The following PARD3 variants were observed in gnomAD, a reference collection of about 807,000 sequenced individuals.
PARD3 encodes the protein par-3 family cell polarity regulator, also known as partitioning defective 3 homolog.
Under a neutral mutation model 155.4 loss-of-function variants are expected in PARD3, and 75 were observed. The observed-to-expected ratio is 0.48, with a 90% confidence interval of 0.40 to 0.58. The LOEUF (loss-of-function observed/expected upper bound fraction) is 0.58, where lower values mean the gene tolerates loss of function less well. Among genes scored for constraint, PARD3 ranks in the 20% least tolerant of loss-of-function variants. The pLI is 0.00. For synonymous variants in PARD3, 576 were observed against 610.5 expected (o/e 0.94, Z 0.83); for missense variants, 1,642 against 1,721.7 (o/e 0.95, Z 0.82).
chr10:34,281,331 T>C (rs926953634), intron 21 of PARD3, among the ~76,000 whole-genome samples: 6 of 152,084 alleles, frequency 3.9e-5, no homozygotes, highest in African/African-American at 1.4e-4. Flanking sequence ...TCTGAAAAAA[T>C]AGGGTACCTA....
Position 34,615,083 on chromosome 10 carries a change from A to G in PARD3, c.222+81235T>C, listed in dbSNP as rs574902961. Among the ~76,000 whole-genome samples the G allele has an allele frequency of 7.9e-5, 12 of 152,244 alleles. No individual in the cohort carries two copies. In the East Asian group the frequency reaches 2.3e-3, roughly 29 times the overall value. On this transcript the variant is annotated intron_variant, in intron 2 of 24. Transcript: ENST00000374788. ...GTAGTCCCAGCTACTTGGGAGGCTG[A>G]GGCAGGAGAATGGCCTGAACCTGGG...
At chr10:34,262,084 C>A (rs931838575) in intron 22 of PARD3, among the ~76,000 whole-genome samples, 1 of 152,116 alleles carries the variant, frequency 6.6e-6, no homozygotes, top group Non-Finnish European at 1.5e-5. Context: ...CAAAGGATGG[C>A]TGCATCAGAG....
chr10:34,309,584 CAGACACAGATGGATCAGATGGATTTAGA>C (rs1361340858), intron 20 of PARD3, among the ~76,000 whole-genome samples: 1 of 124,130 alleles, frequency 8.1e-6, no homozygotes, highest in Non-Finnish European at 1.6e-5. Flanking sequence ...AAAAAAAAGG[CAGACACAGATGGATCAGATGGATTTAGA>C]AGAGAGAAGA....
intron 1 of PARD3, among the ~76,000 whole-genome samples, chr10:34,736,353 G>C (rs1450574740): frequency 7.0e-6 from 1 of 142,670 alleles, no homozygotes; most frequent in Non-Finnish European, 1.5e-5. Flanking sequence ...TTTGGTGATA[G>C]GGTCTTGCTC....
rs980808278 is a variant in PARD3, at chr10:34,179,914, AT to A, written c.3420-48332del. 2.3e-4 allele frequency among the ~76,000 whole-genome samples: 34 copies of A among 150,088 alleles called. No individual in the cohort carries two copies. In the Middle Eastern group the frequency reaches 0.014, roughly 60 times the overall value. ...GGAGGGACTGTGGTTAAAATGCCTT[AT>A]TTTTTTTTTAATTTTTAATTTTTGT... On this transcript the variant is annotated intron_variant, in intron 22 of 24. Transcript: ENST00000374788.
intron 22 of PARD3, among the ~76,000 whole-genome samples, chr10:34,237,210 T>C (rs1953290616): frequency 6.6e-6 from 1 of 152,180 alleles, no homozygotes; most frequent in African/African-American, 2.4e-5. Flanking sequence ...AAGGAAGCTG[T>C]TTTGATCCAT....
intron 3 of PARD3, among the ~76,000 whole-genome samples, chr10:34,498,820 A>G (rs1258213751): frequency 6.6e-6 from 1 of 152,172 alleles, no homozygotes; most frequent in Non-Finnish European, 1.5e-5. Context: ...GCCTACATTA[A>G]TACTCAATTT....
intron 1 of PARD3, among the ~76,000 whole-genome samples, chr10:34,748,107 C>G (rs1299702894): frequency 6.6e-6 from 1 of 152,202 alleles, no homozygotes; most frequent in African/African-American, 2.4e-5. Flanking sequence ...GTGTCTAGGT[C>G]AGCCAGCCAT....
At chr10:34,498,929 A>G (rs1407623054) in intron 3 of PARD3, among the ~76,000 whole-genome samples, 1 of 152,222 alleles carries the variant, frequency 6.6e-6, no homozygotes, top group African/African-American at 2.4e-5. Context: ...TTTTTTAGAC[A>G]CTTAGAATAG....
At chr10:34,378,374 T>G (rs2134701716) in intron 9 of PARD3, among the ~76,000 whole-genome samples, 1 of 152,318 alleles carries the variant, frequency 6.6e-6, no homozygotes, top group Admixed American at 6.5e-5. Flanking sequence ...TAAATATGAC[T>G]GCTAAAAGTT....
intron 2 of PARD3, among the ~76,000 whole-genome samples, chr10:34,610,595 G>C (rs1216164052): frequency 2.0e-5 from 3 of 152,206 alleles, no homozygotes; most frequent in Non-Finnish European, 4.4e-5. Context: ...TCAGGAGCCA[G>C]TATGATCGTG....
intron 2 of PARD3, among the ~76,000 whole-genome samples, chr10:34,678,054 T>A (rs955705863): frequency 3.3e-5 from 5 of 152,036 alleles, no homozygotes; most frequent in Admixed American, 2.0e-4. Context: ...AATGTTTTTT[T>A]AATTTATTTA....
At chr10:34,560,660 A>G (rs977907742) in intron 2 of PARD3, among the ~76,000 whole-genome samples, 6 of 152,228 alleles carry the variant, frequency 3.9e-5, no homozygotes, top group African/African-American at 1.4e-4. Context: ...AATTCCAGAG[A>G]GACAAAGCCT....
intron 2 of PARD3, among the ~76,000 whole-genome samples, chr10:34,639,951 G>A (rs1020952225): frequency 8.5e-5 from 13 of 152,124 alleles, no homozygotes; most frequent in Non-Finnish European, 1.6e-4. Flanking sequence ...CCTAGCACAT[G>A]GGTTATATTC....
intron 7 of PARD3, among the ~76,000 whole-genome samples, chr10:34,389,830 A>AT (rs908880703): frequency 2.3e-4 from 35 of 150,754 alleles, no homozygotes; most frequent in Middle Eastern, 3.4e-3. Flanking sequence ...TTAAATCTTA[A>AT]TTTTTTTTTT....
intron 2 of PARD3, among the ~76,000 whole-genome samples, chr10:34,694,198 A>G (rs1275214182): frequency 6.6e-6 from 1 of 151,806 alleles, no homozygotes; most frequent in East Asian, 1.9e-4. Context: ...AGAAGAAGGG[A>G]GAAGAGGAAG....
At chr10:34,732,615 T>C (rs1366154858) in intron 1 of PARD3, among the ~76,000 whole-genome samples, 1 of 152,124 alleles carries the variant, frequency 6.6e-6, no homozygotes, top group Non-Finnish European at 1.5e-5. Flanking sequence ...GGAGGGTTGC[T>C]TGAACCCAGG....
At chr10:34,138,261 C>T (rs1215706023) in intron 22 of PARD3, among the ~76,000 whole-genome samples, 1 of 152,174 alleles carries the variant, frequency 6.6e-6, no homozygotes, top group African/African-American at 2.4e-5. Context: ...TGCTCACTGC[C>T]AGATCTTAAT....
At chr10:34,475,321 C>G (rs2078637896) in intron 3 of PARD3, among the ~76,000 whole-genome samples, 1 of 152,182 alleles carries the variant, frequency 6.6e-6, no homozygotes, top group African/African-American at 2.4e-5. Flanking sequence ...TAGAAGACAT[C>G]TGGATTCTCA....
Sources: gnomAD v4.1 joint callset for allele counts (sites outside exome capture counted in the v4.1 genomes callset) on GRCh38, gnomAD v4.1.1 for gene constraint, MANE v1.5 for transcripts, NCBI Gene and HGNC (gene_info 2026-07-23, HGNC 2026-07-21) for gene names.